DMD: variants seen among roughly 807,000 people sequenced by gnomAD.
The protein encoded by DMD is dystrophin, also known as mutant dystrophin.
In DMD, 63 loss-of-function variants were observed where a neutral mutation model predicts 330.1. The observed-to-expected ratio is 0.19, with a 90% CI of 0.16 to 0.24. The LOEUF (loss-of-function observed/expected upper bound fraction) is 0.24. Ranked by LOEUF, DMD falls within the 10% of genes least tolerant of loss-of-function variation. DMD has a pLI of 1.00. For missense variants in DMD, 3,344 were observed against 2,684.1 expected (o/e 1.25, Z -5.43); for synonymous variants, 1,223 against 959.8 (o/e 1.27, Z -5.07).
intron 63 of DMD, among the ~76,000 whole-genome samples, chrX:31,244,745 C>G (rs1266496958): frequency 9.0e-6 from 1 of 111,684 alleles, no homozygotes; most frequent in Non-Finnish European, 1.9e-5. Context: ...CGGAAGCAAT[C>G]TTTTAAAATG....
chrX:33,026,610 A>G (rs2094010006), intron 1 of DMD, among the ~76,000 whole-genome samples: 1 of 111,065 alleles, frequency 9.0e-6, no homozygotes, highest in South Asian at 3.8e-4. Context: ...AATGGTATGA[A>G]AAATGCTTTC....
chrX:32,735,603 A>G (rs1175147369), intron 7 of DMD, among the ~76,000 whole-genome samples: 4 of 110,998 alleles, frequency 3.6e-5, no homozygotes, highest in African/African-American at 1.3e-4. Context: ...GCCCTCAGAA[A>G]TAACGCCGCA....
chrX:31,407,194 C>T (rs982612723), intron 60 of DMD, among the ~76,000 whole-genome samples: 3 of 111,715 alleles, frequency 2.7e-5, no homozygotes, highest in African/African-American at 9.8e-5. Flanking sequence ...GACAGAGTTT[C>T]GTTCTTGTTG....
intron 60 of DMD, among the ~76,000 whole-genome samples, chrX:31,396,548 G>GTTTTTT (rs56745544): frequency 4.5e-5 from 3 of 66,067 alleles, no homozygotes; most frequent in Non-Finnish European, 8.0e-5. Context: ...AAATCCCAGG[G>GTTTTTT]TTTTTTTTTT....
chrX:33,040,153 C>G (rs185505633), intron 1 of DMD, among the ~76,000 whole-genome samples: 1 of 111,740 alleles, frequency 8.9e-6, no homozygotes, highest in Admixed American at 9.5e-5. Context: ...CCACAAACTT[C>G]TATTGGGAAC....
Position 32,039,439 on chromosome X carries a change from C to T in DMD, c.6439-70925G>A, listed in dbSNP as rs774394882. Among the ~76,000 whole-genome samples the T allele has an allele frequency of 3.6e-5, 4 of 111,425 alleles. No individual in the cohort carries two copies. The East Asian group carries it at 1.1e-3, about 32-fold the overall frequency. On this transcript the variant is annotated intron_variant, in intron 44 of 78. Coordinates refer to ENST00000357033, the MANE Select transcript of DMD (RefSeq NM_004006.3). ...TACCCTTTCTAAAATGCACACTGTC[C>T]GTGAAACATGCCAAATTGATTTTAT...
intron 1 of DMD, among the ~76,000 whole-genome samples, chrX:33,058,039 C>G (rs754876008): frequency 9.1e-6 from 1 of 109,640 alleles, no homozygotes. Context: ...CCACCACACA[C>G]GGCTAATTTT....
chrX:32,510,175 A>G (rs965958557), intron 18 of DMD, among the ~76,000 whole-genome samples: 1 of 111,791 alleles, frequency 8.9e-6, no homozygotes, highest in Non-Finnish European at 1.9e-5. Context: ...GATCTTAATT[A>G]ACTTCCTTAA....
chrX:33,177,812 T>A (rs1347389554), intron 1 of DMD, among the ~76,000 whole-genome samples: 2 of 112,416 alleles, frequency 1.8e-5, no homozygotes, highest in Non-Finnish European at 3.8e-5. Flanking sequence ...AACCTACTCA[T>A]TTTTTATAAC....
intron 1 of DMD, among the ~76,000 whole-genome samples, chrX:33,141,684 G>A (rs2047806951): frequency 9.0e-6 from 1 of 111,426 alleles, no homozygotes; most frequent in Non-Finnish European, 1.9e-5. Flanking sequence ...GAGTTTTCAT[G>A]GATTGCATGA....
At chrX:32,586,178 A>C (rs1017951705) in intron 13 of DMD, among the ~76,000 whole-genome samples, 3 of 111,259 alleles carry the variant, frequency 2.7e-5, no homozygotes, top group Non-Finnish European at 3.8e-5. Context: ...AAAATAAAAA[A>C]TCCAGTTCCT....
chrX:32,030,843 T>C (rs2095877319), intron 44 of DMD, among the ~76,000 whole-genome samples: 2 of 111,760 alleles, frequency 1.8e-5, no homozygotes, highest in Admixed American at 9.5e-5. Context: ...AAGATAGGTA[T>C]GATTATAGGA....
At chrX:31,643,966 C>T (rs2079931996) in intron 54 of DMD, among the ~76,000 whole-genome samples, 1 of 111,727 alleles carries the variant, frequency 9.0e-6, no homozygotes, top group Non-Finnish European at 1.9e-5. Context: ...AAATATATGT[C>T]AGTATCAGTA....
intron 9 of DMD, among the ~76,000 whole-genome samples, chrX:32,665,089 T>A (rs564317374): frequency 1.8e-5 from 2 of 112,492 alleles, no homozygotes; most frequent in African/African-American, 6.5e-5. Context: ...GAATCTCACA[T>A]TGTGGCTAGC....
chrX:32,800,565 TTTA>T (rs1049833852), intron 7 of DMD, among the ~76,000 whole-genome samples: 2 of 111,584 alleles, frequency 1.8e-5, no homozygotes, highest in African/African-American at 6.5e-5. Flanking sequence ...TAAGAAACTT[TTTA>T]TTATTATACT....
chrX:32,156,337 A>G (rs12557190), intron 44 of DMD, among the ~76,000 whole-genome samples: 16,221 of 111,815 alleles, frequency 0.15, 985 homozygotes, highest in Admixed American at 0.19. Flanking sequence ...CCGAGATTGC[A>G]CCACTGCACT....
chrX:31,121,887 G>A lies in DMD; in HGVS notation c.*32C>T, dbSNP rs752098195. On this transcript the variant is annotated 3_prime_UTR_variant, in exon 79 of 79. Coordinates refer to ENST00000357033, the MANE Select transcript of DMD (RefSeq NM_004006.3). ...CTGATACTAAGGACTCCATCGCTCT[G>A]CCCAAATCATCTGCCATGTGGAAAA... 6 of 1,207,643 alleles carry A rather than the reference G, an allele frequency of 5.0e-6. No homozygotes were observed. The highest frequency in any genetic ancestry group is 6.7e-6 in the Non-Finnish European group (6 of 892,199).
chrX:32,376,462 T>G (rs1199674984), intron 34 of DMD, among the ~76,000 whole-genome samples: 1 of 111,155 alleles, frequency 9.0e-6, no homozygotes, highest in Non-Finnish European at 1.9e-5. Flanking sequence ...GCCTAAATGA[T>G]AGTTGTGATG....
chrX:32,145,713 C>T (rs750457825), intron 44 of DMD, among the ~76,000 whole-genome samples: 9 of 111,838 alleles, frequency 8.0e-5, no homozygotes, highest in African/African-American at 2.3e-4. Flanking sequence ...ATATAGATTA[C>T]TTGTGAATTA....
Sources: allele counts gnomAD v4.1 joint callset (sites outside exome capture counted in the v4.1 genomes callset), GRCh38; gene constraint gnomAD v4.1.1; transcripts MANE v1.5; gene names NCBI Gene and HGNC (gene_info 2026-07-23, HGNC 2026-07-21).